Variants in SLC2A1 observed in about 807,000 individuals in gnomAD.
The protein encoded by SLC2A1 is solute carrier family 2 member 1.
A neutral mutation model predicts 46.6 loss-of-function variants in SLC2A1; 4 were observed. That is an observed-to-expected ratio of 0.09 (90% CI 0.04 to 0.20). The LOEUF is 0.20. Among genes scored for constraint, SLC2A1 ranks in the 10% least tolerant of loss-of-function variants. SLC2A1 has a pLI of 1.00. For synonymous variants in SLC2A1, 253 were observed against 270.0 expected (o/e 0.94, Z 0.62); for missense variants, 352 against 667.0 (o/e 0.53, Z 5.20).
At chr1:42,939,883 G>A (rs563635483) in intron 2 of SLC2A1, among the ~76,000 whole-genome samples, 16 of 149,300 alleles carry the variant, frequency 1.1e-4, no homozygotes, top group African/African-American at 3.7e-4. Flanking sequence ...AACCCAGGAA[G>A]CGGAGGTTGC....
chr1:42,937,608 T>C (rs1279277893), intron 2 of SLC2A1, among the ~76,000 whole-genome samples: 1 of 152,228 alleles, frequency 6.6e-6, no homozygotes, highest in African/African-American at 2.4e-5. Flanking sequence ...CTTGCTTTAA[T>C]TGCTTAACAT....
chr1:42,931,047 G>T lies in SLC2A1; in HGVS notation c.274C>A (p.Arg92=), dbSNP rs202060209. 22 of 1,614,030 alleles carry T rather than the reference G, an allele frequency of 1.4e-5. No homozygotes were observed. The East Asian group carries it at 1.6e-4, about 11-fold the overall frequency. ...SVGLFVNRFG[R]RNSMLMMNLL... The stretch of plus-strand genomic sequence containing the variant: ...AGTGCCAGGACCTCTCCTACTTACC[G>T]GCCAAAGCGGTTAACGAAAAGGCCC... The change falls in exon 3 of 10, where the codon CGG becomes AGG. Residue 92 remains arginine (R), a splice_region_variant and synonymous_variant. Coordinates refer to ENST00000426263, the MANE Select transcript of SLC2A1 (RefSeq NM_006516.4).
Position 42,933,359 on chromosome 1 carries a change from G to A in SLC2A1, c.115-2153C>T, listed in dbSNP as rs138320114. On this transcript the variant is annotated intron_variant, in intron 2 of 9. Transcript: ENST00000426263. ...TTTGAGATGCTACTACTCCTGCCTG[G>A]AAGGTACCCCTGGCCTTATTGCTGA... is the stretch of plus-strand genomic sequence containing the variant. 3.7e-4 allele frequency among the ~76,000 whole-genome samples: 56 copies of A among 152,230 alleles called. No homozygotes were observed. The East Asian group carries it at 0.01, about 28-fold the overall frequency.
chr1:42,929,801 G>C lies in SLC2A1; in HGVS notation c.680-21C>G. ...TAGCACTGGGGGGACCGGAGGGAAG[G>C]TGAGGGTGGCTCAGAGTGGGAAGAA... On this transcript the variant is annotated intron_variant, in intron 5 of 9. Coordinates refer to ENST00000426263, the MANE Select transcript of SLC2A1 (RefSeq NM_006516.4). This position sits in a 1 kb window ranked among gnomAD's most constrained non-coding sequence, Gnocchi z 6.0. 1 of 1,614,236 alleles carries C rather than the reference G, an allele frequency of 6.2e-7. No individual in the cohort carries two copies. The highest frequency in any genetic ancestry group is 2.2e-5 in the East Asian group (1 of 44,882).
chr1:42,945,135 C>T (rs901350582), intron 1 of SLC2A1, among the ~76,000 whole-genome samples: 6 of 152,250 alleles, frequency 3.9e-5, no homozygotes, highest in Admixed American at 1.3e-4. Context: ...ACGTGCTGGG[C>T]TTTCTGCCTG....
Position 42,927,136 on chromosome 1 carries a change from C to G in SLC2A1, c.1384G>C (p.Glu462Gln). 1.2e-6 allele frequency: 2 copies of G among 1,614,204 alleles called. No individual in the cohort carries two copies. Among genetic ancestry groups the G allele is most frequent in the South Asian group, 1.1e-5 (1 of 91,078 alleles). Reference protein sequence around the residue: ...VPETKGRTFDEIASGFRQGGA... With the variant: ...VPETKGRTFDQIASGFRQGGA... ...CCCTGCCGGAAGCCGGAAGCGATCT[C>G]ATCGAAGGTCCGGCCTTTAGTCTCA... The change falls in exon 10 of 10, where the codon GAG becomes CAG. Residue 462 changes from glutamate (E) to glutamine (Q), a missense_variant. Transcript: ENST00000426263. The surrounding 1 kb of genome is among the most constrained non-coding windows in gnomAD (Gnocchi z 5.3).
intron 2 of SLC2A1, among the ~76,000 whole-genome samples, chr1:42,932,806 C>G (rs12071418): frequency 0.063 from 9,617 of 152,240 alleles, 492 homozygotes; most frequent in East Asian, 0.19. Flanking sequence ...GCTGTGGGTG[C>G]TCAGCCTCTA....
chr1:42,944,712 T>G (rs1172925738), intron 1 of SLC2A1, among the ~76,000 whole-genome samples: 2 of 151,820 alleles, frequency 1.3e-5, no homozygotes, highest in African/African-American at 4.8e-5. Context: ...CCAGGAGGAG[T>G]GTGCAGCTCA....
intron 1 of SLC2A1, chr1:42,952,571 G>A (rs1643733383): frequency 3.0e-6 from 1 of 331,658 alleles, no homozygotes; most frequent in Non-Finnish European, 6.1e-6. Context: ...AGCACACAGG[G>A]CTGTGGGATG....
rs1261396902 is a variant in SLC2A1, at chr1:42,929,876, T to G, written c.676A>C (p.Ser226Arg). The change falls in exon 5 of 10, where the codon AGT becomes CGT. Residue 226 changes from serine (S) to arginine (R), a missense_variant. Around this residue, in one of 5 missense-constraint regions of SLC2A1, gnomAD observed 167 missense variants for 280.8 expected, o/e 0.59. Coordinates refer to ENST00000426263, the MANE Select transcript of SLC2A1 (RefSeq NM_006516.4). The surrounding 1 kb of genome is among the most constrained non-coding windows in gnomAD (Gnocchi z 6.0). ...GAGGGCAGGGCCATGCCCGTACCAC[T>G]CTTGGCCCGGTTCTCCTCGTTGCGG... ...INRNEENRAK[S>R]VLKKLRGTAD... 2 of 1,613,964 alleles carry G rather than the reference T, an allele frequency of 1.2e-6. No individual in the cohort carries two copies. Among genetic ancestry groups the G allele is most frequent in the African/African-American group, 2.7e-5 (2 of 74,880 alleles).
At chr1:42,933,324 C>T (rs1008441908) in intron 2 of SLC2A1, among the ~76,000 whole-genome samples, 6 of 152,136 alleles carry the variant, frequency 3.9e-5, no homozygotes, top group Admixed American at 3.3e-4. Context: ...ATCTCCCACC[C>T]CTCTACGCCT....
At chr1:42,939,244 C>A (rs1374055379) in intron 2 of SLC2A1, among the ~76,000 whole-genome samples, 1 of 152,274 alleles carries the variant, frequency 6.6e-6, no homozygotes, top group Non-Finnish European at 1.5e-5. Flanking sequence ...GTCCTCTCTT[C>A]ACATGTTACA....
chr1:42,933,008 G>A (rs1557647659), intron 2 of SLC2A1, among the ~76,000 whole-genome samples: 1 of 152,188 alleles, frequency 6.6e-6, no homozygotes, highest in African/African-American at 2.4e-5. Context: ...CTAAATTCAG[G>A]TCCTAGCTCC....
rs922626935 is a variant in SLC2A1, at chr1:42,958,708, G to T, written c.-57C>A. On this transcript the variant is annotated 5_prime_UTR_variant, in exon 1 of 10. Coordinates refer to ENST00000426263, the MANE Select transcript of SLC2A1 (RefSeq NM_006516.4). ...CGGGTACGCGGGTGGCGACGGGCGTGCGAGCGGCGCTCTCCCGCTCAGGCT... is the reference window on the plus strand; with the variant it reads ...CGGGTACGCGGGTGGCGACGGGCGTTCGAGCGGCGCTCTCCCGCTCAGGCT... 3.4e-5 allele frequency: 52 copies of T among 1,519,524 alleles called. No individual in the cohort carries two copies. The highest frequency in any genetic ancestry group is 1.4e-4 in the South Asian group (12 of 83,064). 94.1% of individuals were successfully genotyped at this position (1,519,524 alleles called of 1,614,324 possible). A position where few individuals can be genotyped will look rare whatever the true frequency, so the allele number is the denominator to read the frequency against.
intron 2 of SLC2A1, among the ~76,000 whole-genome samples, chr1:42,941,412 C>T (rs935683043): frequency 3.9e-5 from 6 of 152,302 alleles, no homozygotes; most frequent in East Asian, 1.9e-4. Context: ...AAACTACTCA[C>T]GCTTTACTGA....
chr1:42,955,813 G>C (rs1052132421), intron 1 of SLC2A1, among the ~76,000 whole-genome samples: 1 of 152,172 alleles, frequency 6.6e-6, no homozygotes, highest in East Asian at 1.9e-4. Context: ...GAGAGATCGT[G>C]GGCGAACCCC....
chr1:42,946,167 C>G (rs1003927102), intron 1 of SLC2A1, among the ~76,000 whole-genome samples: 1 of 152,174 alleles, frequency 6.6e-6, no homozygotes, highest in Non-Finnish European at 1.5e-5. Flanking sequence ...CGACTGTAGC[C>G]TCTGTCAATG....
At chr1:42,936,041 TGATCTAG>T (rs1177687429) in intron 2 of SLC2A1, among the ~76,000 whole-genome samples, 1 of 152,096 alleles carries the variant, frequency 6.6e-6, no homozygotes, top group African/African-American at 2.4e-5. Flanking sequence ...TGCCAACCCT[TGATCTAG>T]GATTCTAGAC....
intron 2 of SLC2A1, among the ~76,000 whole-genome samples, chr1:42,938,441 G>A (rs1056949245): frequency 6.6e-6 from 1 of 152,206 alleles, no homozygotes; most frequent in African/African-American, 2.4e-5. Context: ...TAGAGTTGCT[G>A]TGAGGTGGTA....
Sources: allele counts gnomAD v4.1 joint callset (sites outside exome capture counted in the v4.1 genomes callset), GRCh38; gene constraint gnomAD v4.1.1; regional missense constraint gnomAD v4.1.1; non-coding constraint Gnocchi (gnomAD v3.1); transcripts MANE v1.5; gene names NCBI Gene and HGNC (gene_info 2026-07-23, HGNC 2026-07-21).